RSRC1: variants seen among roughly 807,000 people sequenced by gnomAD.
RSRC1 encodes serine/Arginine-related protein 53.
RSRC1 carries 39 observed loss-of-function variants against 49.1 expected under a neutral mutation model. That is an observed-to-expected ratio of 0.79 (90% confidence interval 0.61 to 1.04). The LOEUF is 1.04. RSRC1 is among the 50% of genes least tolerant of loss of function. RSRC1 has a pLI of 0.00. For synonymous variants in RSRC1, 143 were observed against 130.8 expected, an observed-to-expected ratio of 1.09 and a Z score of -0.63; for missense variants, 388 against 402.4, an observed-to-expected ratio of 0.96 and a Z score of 0.31.
intron 3 of RSRC1, among the ~76,000 whole-genome samples, chr3:158,166,618 C>G (rs1718556073): frequency 6.6e-6 from 1 of 152,000 alleles, no homozygotes; most frequent in South Asian, 2.1e-4. Context: ...TATTTAGTTC[C>G]CTTAACAAGT....
chr3:158,465,280 A>C (rs1432688073), intron 7 of RSRC1, among the ~76,000 whole-genome samples: 2 of 152,100 alleles, frequency 1.3e-5, no homozygotes, highest in Non-Finnish European at 2.9e-5. Flanking sequence ...GCCAAACCTA[A>C]GCATCTAGTT....
rs1432403458 is a variant in RSRC1 at position 158,245,646 on chromosome 3, G to A, written c.494+42401G>A. Among the ~76,000 whole-genome samples the A allele has an allele frequency of 3.3e-5, 5 of 152,204 alleles. No homozygotes were observed. The East Asian group carries it at 9.7e-4, about 29-fold the overall frequency. ...TTAAAGTCTCCCATTATTGTTGTGT[G>A]GGAGTCTAAATCTCTTTGAAGATCT... On this transcript the variant is annotated intron_variant, in intron 4 of 9. Transcript: ENST00000611884.
At chr3:158,119,425 A>G (rs180774645) in intron 1 of RSRC1, among the ~76,000 whole-genome samples, 173 of 152,230 alleles carry the variant, frequency 1.1e-3, no homozygotes, top group African/African-American at 4.0e-3. Flanking sequence ...TAATTTCTTT[A>G]ATCTTATTTT....
intron 6 of RSRC1, among the ~76,000 whole-genome samples, chr3:158,365,380 T>C (rs187290984): frequency 6.6e-6 from 1 of 152,134 alleles, no homozygotes; most frequent in African/African-American, 2.4e-5. Context: ...CTCCCACTTA[T>C]GAGTGAGAAC....
chr3:158,226,466 C>T (rs917666355), intron 4 of RSRC1, among the ~76,000 whole-genome samples: 4 of 151,920 alleles, frequency 2.6e-5, no homozygotes, highest in Admixed American at 6.6e-5. Flanking sequence ...TTCCATCTTT[C>T]TTTTCTGAAT....
chr3:158,475,579 T>C (rs1270974405), intron 7 of RSRC1, among the ~76,000 whole-genome samples: 1 of 152,190 alleles, frequency 6.6e-6, no homozygotes, highest in Non-Finnish European at 1.5e-5. Context: ...TCATTATATC[T>C]GTCATTGTGA....
intron 7 of RSRC1, among the ~76,000 whole-genome samples, chr3:158,536,387 TA>T (rs1712714077): frequency 6.6e-6 from 1 of 151,440 alleles, no homozygotes; most frequent in Non-Finnish European, 1.5e-5. Flanking sequence ...CAGTGGACTG[TA>T]AGTGATAGAA....
At position 158,354,846 on chromosome 3, in the gene RSRC1, T is replaced by C; in HGVS notation, c.532-11T>C. Reference sequence around the variant, plus strand: ...CTTGTATGGTTGAATTTTTTTTTTTTTCTTTTTTAGCCACCAGCTGAACAG... The same window carrying C: ...CTTGTATGGTTGAATTTTTTTTTTTCTCTTTTTTAGCCACCAGCTGAACAG... On this transcript the variant is annotated splice_polypyrimidine_tract_variant and intron_variant, in intron 5 of 9. Coordinates refer to ENST00000611884, the MANE Select transcript of RSRC1 (RefSeq NM_001271838.2). 1 of 1,544,364 alleles carries C rather than the reference T, an allele frequency of 6.5e-7. No individual in the cohort carries two copies. The highest frequency in any genetic ancestry group is 8.7e-7 in the Non-Finnish European group (1 of 1,146,602).
chr3:158,145,972 T>C (rs918227338), intron 3 of RSRC1, among the ~76,000 whole-genome samples: 1 of 152,220 alleles, frequency 6.6e-6, no homozygotes, highest in African/African-American at 2.4e-5. Context: ...TGTTTGCACA[T>C]TGATTTTGTA....
At chr3:158,496,804 G>T in intron 7 of RSRC1, 1 of 229,398 alleles carries the variant, frequency 4.4e-6, no homozygotes. Context: ...GAAACTAGGG[G>T]AAGAGATAGG....
chr3:158,198,675 AC>A (rs1381526695), intron 3 of RSRC1, among the ~76,000 whole-genome samples: 1 of 151,836 alleles, frequency 6.6e-6, no homozygotes, highest in Non-Finnish European at 1.5e-5. Context: ...ACTGTCGTGC[AC>A]CCACTGTCCG....
At chr3:158,356,228 T>C (rs576385591) in intron 6 of RSRC1, among the ~76,000 whole-genome samples, 4 of 152,126 alleles carry the variant, frequency 2.6e-5, no homozygotes, top group Non-Finnish European at 2.9e-5. Context: ...GCTGGAAAAA[T>C]GAGAATTCTA....
intron 4 of RSRC1, among the ~76,000 whole-genome samples, chr3:158,226,001 C>G (rs1446910767): frequency 1.3e-5 from 2 of 151,858 alleles, no homozygotes; most frequent in African/African-American, 4.8e-5. Context: ...ACCCAGGCCT[C>G]TAATGAAGCA....
chr3:158,366,826 C>G (rs1377629141), intron 6 of RSRC1, among the ~76,000 whole-genome samples: 1 of 152,038 alleles, frequency 6.6e-6, no homozygotes, highest in South Asian at 2.1e-4. Flanking sequence ...CTTATTTCCT[C>G]GAGCAGTGGT....
chr3:158,475,022 C>T (rs1039895203), intron 7 of RSRC1, among the ~76,000 whole-genome samples: 1 of 152,112 alleles, frequency 6.6e-6, no homozygotes, highest in Non-Finnish European at 1.5e-5. Flanking sequence ...TCAAGACATC[C>T]TCCTGCTTCA....
chr3:158,438,753 G>A (rs1004516812), intron 6 of RSRC1, among the ~76,000 whole-genome samples: 1 of 152,110 alleles, frequency 6.6e-6, no homozygotes, highest in Non-Finnish European at 1.5e-5. Flanking sequence ...CAGGACATAG[G>A]CATGGGCAAG....
intron 6 of RSRC1, among the ~76,000 whole-genome samples, chr3:158,419,999 C>G (rs775746521): frequency 1.3e-5 from 2 of 151,854 alleles, no homozygotes; most frequent in Non-Finnish European, 2.9e-5. Context: ...ACTCCTCCCT[C>G]TCTCCCTCAC....
At chr3:158,153,824 T>C (rs1472794316) in intron 3 of RSRC1, among the ~76,000 whole-genome samples, 4 of 114,830 alleles carry the variant, frequency 3.5e-5, no homozygotes, top group Non-Finnish European at 1.8e-5. Flanking sequence ...TTGATTGTTA[T>C]TGGTATATAA....
chr3:158,271,478 A>T (rs1054065368), intron 4 of RSRC1, among the ~76,000 whole-genome samples: 1 of 152,166 alleles, frequency 6.6e-6, no homozygotes, highest in South Asian at 2.1e-4. Context: ...TTTTACTCTC[A>T]TAGACTATAG....
Sources: gnomAD v4.1 joint callset for allele counts (sites outside exome capture counted in the v4.1 genomes callset) on GRCh38, gnomAD v4.1.1 for gene constraint, MANE v1.5 for transcripts, NCBI Gene and HGNC (gene_info 2026-07-23, HGNC 2026-07-21) for gene names.